Variants in MYO1H observed in about 807,000 individuals in gnomAD.
MYO1H encodes the protein myosin IH.
In MYO1H, 118 loss-of-function variants were observed where a neutral mutation model predicts 149.3. That is an observed-to-expected ratio of 0.79 (90% CI 0.68 to 0.92). MYO1H has a LOEUF of 0.92. Among genes scored for constraint, MYO1H ranks in the 40% least tolerant of loss-of-function variants. The pLI is 0.00. For missense variants in MYO1H, 1,212 were observed against 1,280.7 expected (o/e 0.95, Z 0.82); for synonymous variants, 447 against 465.2 (o/e 0.96, Z 0.50).
intron 2 of MYO1H, among the ~76,000 whole-genome samples, chr12:109,392,358 G>A (rs1213191078): frequency 6.6e-6 from 1 of 152,162 alleles, no homozygotes; most frequent in East Asian, 1.9e-4. Context: ...AGCCTGAAAT[G>A]CCCTTCCTGC....
the MYO1H span, among the ~76,000 whole-genome samples, chr12:109,334,846 T>C: frequency 2.0e-5 from 3 of 152,148 alleles, no homozygotes; most frequent in Non-Finnish European, 4.4e-5. Flanking sequence ...GGGTAGTAGG[T>C]TTTAGTATAT....
chr12:109,347,743 T>C (rs886925610), upstream of MYO1H, among the ~76,000 whole-genome samples: 1 of 152,246 alleles, frequency 6.6e-6, no homozygotes, highest in African/African-American at 2.4e-5. Flanking sequence ...AGTTCTTATC[T>C]CCCTGGAGCA....
intron 1 of MYO1H, among the ~76,000 whole-genome samples, chr12:109,365,767 C>T (rs886853757): frequency 6.6e-6 from 1 of 152,132 alleles, no homozygotes; most frequent in Admixed American, 6.5e-5. Context: ...CATGATGGAA[C>T]GGGAGGCCTA....
At chr12:109,382,886 AATG>A (rs1419239256) in intron 1 of MYO1H, among the ~76,000 whole-genome samples, 3 of 148,110 alleles carry the variant, frequency 2.0e-5, no homozygotes, top group African/African-American at 4.9e-5. Context: ...GAATTAAAAT[AATG>A]ATATATATAA....
At chr12:109,404,881 A>G (rs547606574) in intron 7 of MYO1H, among the ~76,000 whole-genome samples, 8 of 144,856 alleles carry the variant, frequency 5.5e-5, no homozygotes, top group African/African-American at 2.1e-4. Context: ...TTGTTAAACT[A>G]TCAGTCTTTC....
intron 20 of MYO1H, among the ~76,000 whole-genome samples, chr12:109,433,333 A>G (rs991764444): frequency 6.6e-6 from 1 of 152,218 alleles, no homozygotes; most frequent in Non-Finnish European, 1.5e-5. Flanking sequence ...CACTGTTCCC[A>G]TGTACGCATG....
intron 1 of MYO1H, among the ~76,000 whole-genome samples, chr12:109,384,134 C>G (rs1015139716): frequency 6.6e-6 from 1 of 152,174 alleles, no homozygotes; most frequent in Non-Finnish European, 1.5e-5. Context: ...TGATGTCAAC[C>G]AGCTGGAGCC....
chr12:109,409,600 G>T, exon 11 of MYO1H: 1 of 1,613,596 alleles, frequency 6.2e-7, no homozygotes, highest in Non-Finnish European at 8.5e-7. Context: ...GACATCTATG[G>T]GTTTGAAGTC....
the MYO1H span, among the ~76,000 whole-genome samples, chr12:109,312,381 T>TTTTTGTTTTGTTTTGTTTTG: frequency 3.7e-3 from 558 of 150,974 alleles, 2 homozygotes; most frequent in African/African-American, 0.013. Flanking sequence ...CCCAGCTAAT[T>TTTTTGTTTTGTTTTGTTTTG]TTTTGTTTTG....
At chr12:109,396,623 A>T (rs773594185) in intron 4 of MYO1H, 41 bp downstream of exon 4, 1 of 1,553,418 alleles carries the variant, frequency 6.4e-7, no homozygotes, top group Non-Finnish European at 8.7e-7. Flanking sequence ...AGTTCCAGGG[A>T]GGTCACTAAG....
intron 23 of MYO1H, 118 bp from the exon 24 acceptor site, chr12:109,439,513 G>C: frequency 1.7e-6 from 1 of 601,040 alleles, no homozygotes; most frequent in Non-Finnish European, 2.5e-6. Flanking sequence ...TCTGGCCTAT[G>C]TGGTCATCTC....
chr12:109,444,444 T>C (rs1441115277), exon 30 of MYO1H: 1 of 1,613,816 alleles, frequency 6.2e-7, no homozygotes, highest in East Asian at 2.2e-5. Context: ...GGATGCCGTT[T>C]TGCAGTGTGG....
chr12:109,412,953 T>TTTG (rs79763914), intron 14 of MYO1H, among the ~76,000 whole-genome samples: 45,142 of 146,668 alleles, frequency 0.31, 7,341 homozygotes, highest in East Asian at 0.47. Flanking sequence ...GCCCGGCTAA[T>TTTG]TTGTTGTTGT....
Position 109,436,113 on chromosome 12 carries a change from G to A in MYO1H, c.2141-375G>A, listed in dbSNP as rs192758079. ...TCCTTAGCTGTGTTGCCCGGCAAGC[G>A]TCTTCACCATCTGTCTGAGCCTGCG... On this transcript the variant is annotated intron_variant, in intron 21 of 31. Transcript: ENST00000310903. 6.1e-4 allele frequency among the ~76,000 whole-genome samples: 93 copies of A among 152,250 alleles called. 2 individuals carry two copies. The highest frequency in any genetic ancestry group is 5.1e-3 in the Admixed American group (78 of 15,284).
At position 109,385,779 on chromosome 12, in the gene MYO1H, C is replaced by T. The variant is rs1413235897; in HGVS notation, c.13-2904C>T. Among the ~76,000 whole-genome samples the T allele has an allele frequency of 2.6e-5, 4 of 152,022 alleles. No homozygotes were observed. The East Asian group carries it at 7.7e-4, about 29-fold the overall frequency. On this transcript the variant is annotated intron_variant, in intron 1 of 31. Transcript: ENST00000310903. ...AGTAAACAGAATAGTATCATAAATC[C>T]CCCTCTACCCACCACCTAGCTTTAA...
At chr12:109,408,981 G>A (rs1870516590) in intron 10 of MYO1H, among the ~76,000 whole-genome samples, 1 of 151,704 alleles carries the variant, frequency 6.6e-6, no homozygotes, top group Admixed American at 6.6e-5. Context: ...AGTAGAAATG[G>A]GGTTTCGCCA....
At chr12:109,347,902 C>A, upstream of MYO1H, 1 of 398,990 alleles carries the variant, frequency 2.5e-6, no homozygotes, top group Non-Finnish European at 4.4e-6. Flanking sequence ...CAGTGGGAAG[C>A]AACTTTTGAA....
At chr12:109,321,597 C>T in the MYO1H span, among the ~76,000 whole-genome samples, 4 of 152,016 alleles carry the variant, frequency 2.6e-5, 1 homozygote, top group South Asian at 6.2e-4. Flanking sequence ...ATAGGAAACT[C>T]GTAGAAAAGG....
chr12:109,388,886 T>C, intron 2 of MYO1H, 42 bp downstream of exon 2: 1 of 1,565,232 alleles, frequency 6.4e-7, no homozygotes, highest in Non-Finnish European at 8.7e-7. Context: ...AGGGTGGTTG[T>C]TCCCTTCTTG....
Sources: allele counts gnomAD v4.1 joint callset (sites outside exome capture counted in the v4.1 genomes callset), GRCh38; gene constraint gnomAD v4.1.1; transcripts MANE v1.5; gene names NCBI Gene and HGNC (gene_info 2026-07-23, HGNC 2026-07-21).